The following LHFPL6 variants were observed in gnomAD, a reference collection of about 807,000 sequenced individuals.
LHFPL6 encodes LHFPL tetraspan subfamily member 6.
Under a neutral mutation model 20.6 loss-of-function variants are expected in LHFPL6, and 9 were observed. The observed-to-expected ratio is 0.44, with a 90% CI of 0.26 to 0.76. LHFPL6 has a LOEUF of 0.76. Among genes scored for constraint, LHFPL6 ranks in the 30% least tolerant of loss-of-function variants. The probability of loss-of-function intolerance (pLI) is 0.20; values close to 1 mark genes in which losing one functional copy is unlikely to be tolerated. For synonymous variants in LHFPL6, 105 were observed against 98.7 expected (o/e 1.06, Z -0.38); for missense variants, 218 against 253.5 (o/e 0.86, Z 0.95).
In LHFPL6 at chr13:39,343,211, GA is replaced by G. The variant is rs1275431520; in HGVS notation, c.*724del. ...AACTCTAAAGGTCTGCATAAACACT[GA>G]AAATATGTTGAGGAACTAAATTAGA... On this transcript the variant is annotated 3_prime_UTR_variant, in exon 4 of 4. Transcript: ENST00000379589. 3.3e-5 allele frequency: 7 copies of G among 212,016 alleles called. No individual in the cohort carries two copies. Among genetic ancestry groups the G allele is most frequent in the Non-Finnish European group, 4.8e-5 (5 of 104,512 alleles). The allele number at this position is 212,016 out of a possible 1,614,324, so 13.1% of individuals were successfully genotyped here. A position where few individuals can be genotyped will look rare whatever the true frequency, so the allele number is the denominator to read the frequency against.
At chr13:39,470,034 G>C (rs545156575) in intron 2 of LHFPL6, among the ~76,000 whole-genome samples, 68 of 152,238 alleles carry the variant, frequency 4.5e-4, no homozygotes, top group African/African-American at 1.6e-3. Context: ...GAAGCAATAT[G>C]TATCTGCAGA....
chr13:39,530,151 G>A (rs1224896662), intron 2 of LHFPL6, among the ~76,000 whole-genome samples: 3 of 151,290 alleles, frequency 2.0e-5, no homozygotes, highest in African/African-American at 7.3e-5. Flanking sequence ...GTGCAGTGGT[G>A]CACACCTGTA....
At chr13:39,461,970 A>C (rs74717480) in intron 2 of LHFPL6, among the ~76,000 whole-genome samples, 2 of 99,382 alleles carry the variant, frequency 2.0e-5, no homozygotes, top group African/African-American at 1.3e-4. Flanking sequence ...GATTCACTTT[A>C]AAAAAAAAAT....
intron 2 of LHFPL6, among the ~76,000 whole-genome samples, chr13:39,410,627 T>A (rs561445459): frequency 6.6e-6 from 1 of 152,296 alleles, no homozygotes; most frequent in East Asian, 1.9e-4. Flanking sequence ...AAAAAATGTA[T>A]GAATAACATT....
intron 2 of LHFPL6, among the ~76,000 whole-genome samples, chr13:39,528,323 G>GA (rs1300993692): frequency 1.3e-5 from 2 of 151,482 alleles, no homozygotes; most frequent in Non-Finnish European, 2.9e-5. Flanking sequence ...CCCTCTGACT[G>GA]AAAAAAAACT....
intron 2 of LHFPL6, among the ~76,000 whole-genome samples, chr13:39,576,290 T>G (rs758581222): frequency 6.6e-6 from 1 of 152,180 alleles, no homozygotes; most frequent in Non-Finnish European, 1.5e-5. Context: ...TGAATGAGAA[T>G]AGATTGCTTA....
chr13:39,598,617 C>T (rs1872838299), intron 2 of LHFPL6, among the ~76,000 whole-genome samples: 1 of 151,830 alleles, frequency 6.6e-6, no homozygotes, highest in African/African-American at 2.4e-5. Flanking sequence ...GTGTAGTGGC[C>T]CAATCTCAGC....
intron 2 of LHFPL6, among the ~76,000 whole-genome samples, chr13:39,452,963 A>G (rs576702598): frequency 2.0e-5 from 3 of 152,136 alleles, no homozygotes; most frequent in African/African-American, 7.2e-5. Context: ...AGAGATTGTT[A>G]CTTTTGCCAG....
At chr13:39,548,083 T>C (rs1164323648) in intron 2 of LHFPL6, among the ~76,000 whole-genome samples, 1 of 152,070 alleles carries the variant, frequency 6.6e-6, no homozygotes, top group Non-Finnish European at 1.5e-5. Flanking sequence ...TAAGAAAGAC[T>C]AGGAGATGTT....
intron 2 of LHFPL6, among the ~76,000 whole-genome samples, chr13:39,510,714 A>G (rs989573834): frequency 6.6e-6 from 1 of 152,180 alleles, no homozygotes; most frequent in Non-Finnish European, 1.5e-5. Context: ...AAATGGAAAT[A>G]TTACAGAAAT....
intron 2 of LHFPL6, among the ~76,000 whole-genome samples, chr13:39,457,526 G>A (rs1426292282): frequency 2.0e-5 from 3 of 152,160 alleles, no homozygotes; most frequent in African/African-American, 7.2e-5. Context: ...TACATTGCTG[G>A]TAAAAATGCA....
chr13:39,463,320 T>C (rs1872729312), intron 2 of LHFPL6, among the ~76,000 whole-genome samples: 1 of 152,184 alleles, frequency 6.6e-6, no homozygotes, highest in South Asian at 2.1e-4. Context: ...TGTTAATTTA[T>C]ACACTGTGAA....
intron 2 of LHFPL6, among the ~76,000 whole-genome samples, chr13:39,422,596 A>AG (rs1871523033): frequency 1.5e-5 from 2 of 132,280 alleles, no homozygotes; most frequent in Non-Finnish European, 3.4e-5. Flanking sequence ...CAAAAAAAAA[A>AG]AAAAAAAAGA....
chr13:39,378,341 A>C (rs1367089695), intron 3 of LHFPL6, 87 bp downstream of exon 3: 1 of 1,072,526 alleles, frequency 9.3e-7, no homozygotes, highest in East Asian at 2.4e-5. Context: ...GGTTTTTCTT[A>C]TCTGTCCCCT....
chr13:39,363,029 C>T (rs953867499), intron 3 of LHFPL6, among the ~76,000 whole-genome samples: 3 of 152,144 alleles, frequency 2.0e-5, no homozygotes, highest in Non-Finnish European at 2.9e-5. Context: ...GTTATATATT[C>T]GATGTGGGAA....
At chr13:39,352,137 T>A (rs1869585024) in intron 3 of LHFPL6, among the ~76,000 whole-genome samples, 1 of 152,232 alleles carries the variant, frequency 6.6e-6, no homozygotes, top group Non-Finnish European at 1.5e-5. Context: ...TGGCAATGCA[T>A]CTTCTTTAAG....
chr13:39,379,978 AAAG>A (rs1296910107), intron 2 of LHFPL6, among the ~76,000 whole-genome samples: 8 of 152,232 alleles, frequency 5.3e-5, no homozygotes, highest in Non-Finnish European at 1.0e-4. Context: ...AATAATCTAG[AAAG>A]AAGTTATACA....
intron 2 of LHFPL6, among the ~76,000 whole-genome samples, chr13:39,535,525 A>G (rs1870590619): frequency 6.6e-6 from 1 of 152,246 alleles, no homozygotes; most frequent in Non-Finnish European, 1.5e-5. Flanking sequence ...ACTTAGATAA[A>G]AATTCAAAAG....
intron 2 of LHFPL6, among the ~76,000 whole-genome samples, chr13:39,397,769 C>T (rs1359729954): frequency 6.6e-6 from 1 of 152,042 alleles, no homozygotes; most frequent in African/African-American, 2.4e-5. Flanking sequence ...CCGGGAGCCA[C>T]GGAAAGAAAA....
Sources: allele counts gnomAD v4.1 joint callset (sites outside exome capture counted in the v4.1 genomes callset), GRCh38; gene constraint gnomAD v4.1.1; transcripts MANE v1.5; gene names NCBI Gene and HGNC (gene_info 2026-07-23, HGNC 2026-07-21).